Variants in PTPRN observed in about 807,000 individuals in gnomAD.
PTPRN encodes protein tyrosine phosphatase receptor type N, also known as receptor-type tyrosine-protein phosphatase-like N.
Under a neutral mutation model 108.5 loss-of-function variants are expected in PTPRN, and 70 were observed. The ratio of observed to expected loss-of-function variants is 0.65; its 90% confidence interval spans 0.53 to 0.79. PTPRN has a LOEUF of 0.79. PTPRN is among the 30% of genes least tolerant of loss of function. The pLI, the probability that PTPRN is intolerant of heterozygous loss-of-function variation, is 0.00. For synonymous variants in PTPRN, 496 were observed against 524.6 expected (o/e 0.95, Z 0.75); for missense variants, 1,136 against 1,295.5 (o/e 0.88, Z 1.89).
At chr2:219,307,341 C>T (rs1952508280) in intron 3 of PTPRN, 103 bp downstream of exon 3, 2 of 962,580 alleles carry the variant, frequency 2.1e-6, no homozygotes, top group East Asian at 4.9e-5. Context: ...AGGTGAGGCT[C>T]CAGCAGTGGG....
Position 219,290,258 on chromosome 2 carries a change from C to T in PTPRN, c.2908G>A (p.Val970Met). 1 of 1,614,024 alleles carries T rather than the reference C, an allele frequency of 6.2e-7. No homozygotes were observed. Among genetic ancestry groups the T allele is most frequent in the South Asian group, 1.1e-5 (1 of 91,080 alleles). The change falls in exon 23 of 23, where the codon GTG becomes ATG. Residue 970 changes from valine (V) to methionine (M), a missense_variant. Val to Met is a conservative substitution (Grantham distance 21). Coordinates refer to ENST00000295718, the MANE Select transcript of PTPRN (RefSeq NM_002846.4). The surrounding 1 kb of genome is among the most constrained non-coding windows in gnomAD (Gnocchi z 4.2). ...EFALTAVAEE[V>M]NAILKALPQ ...GGCAGGGCCTTGAGGATGGCATTCACTTCCTCCGCCACGGCTGTCAGGGCA... is the reference window on the plus strand; with the variant it reads ...GGCAGGGCCTTGAGGATGGCATTCATTTCCTCCGCCACGGCTGTCAGGGCA...
chr2:219,299,569 T>A, intron 10 of PTPRN, 131 bp downstream of exon 10: 1 of 1,153,292 alleles, frequency 8.7e-7, no homozygotes, highest in Non-Finnish European at 1.3e-6. Context: ...TGGCTGTACC[T>A]TCAGTACAGC....
Position 219,299,793 on chromosome 2 carries a change from A to G in PTPRN, c.1437-7T>C. ...TGCAGCCAGGCTCAGGGGCCTGGAG[A>G]TGGGAGAAGGCAGAGGAAGGAAAGT... On this transcript the variant is annotated splice_polypyrimidine_tract_variant and splice_region_variant and intron_variant, in intron 9 of 22. Transcript: ENST00000295718. 2 of 1,603,266 alleles carry G rather than the reference A, an allele frequency of 1.2e-6. No homozygotes were observed. The highest frequency in any genetic ancestry group is 1.7e-6 in the Non-Finnish European group (2 of 1,173,068).
Position 219,297,186 on chromosome 2 carries a change from C to G in PTPRN, c.2088+47G>C, listed in dbSNP as rs1952222364. The G allele has an allele frequency of 6.2e-7, 1 of 1,610,950 alleles. No homozygotes were observed. The highest frequency in any genetic ancestry group is 8.5e-7 in the Non-Finnish European group (1 of 1,177,934). On this transcript the variant is annotated intron_variant, in intron 14 of 22. Coordinates refer to ENST00000295718, the MANE Select transcript of PTPRN (RefSeq NM_002846.4). The surrounding 1 kb of genome is among the most constrained non-coding windows in gnomAD (Gnocchi z 6.0). ...CCCACACAGCCAGCCTGGCCTCTCTCACCATCCCATTCCTTCACCCACTCT... is the reference window on the plus strand; with the variant it reads ...CCCACACAGCCAGCCTGGCCTCTCTGACCATCCCATTCCTTCACCCACTCT...
In PTPRN at chr2:219,296,655, G is replaced by C. The variant is rs1034017223; in HGVS notation, c.2310+94C>G. Reference sequence around the variant, plus strand: ...ATATCAGGCCCCACCACTCCAGGGGGTTGGTGGGGTGGCAGGTGACCACGG... The same window carrying C: ...ATATCAGGCCCCACCACTCCAGGGGCTTGGTGGGGTGGCAGGTGACCACGG... On this transcript the variant is annotated intron_variant, in intron 16 of 22. Coordinates refer to ENST00000295718, the MANE Select transcript of PTPRN (RefSeq NM_002846.4). The surrounding 1 kb of genome is among the most constrained non-coding windows in gnomAD (Gnocchi z 6.0). 1 of 1,547,052 alleles carries C rather than the reference G, an allele frequency of 6.5e-7. No individual in the cohort carries two copies. The highest frequency in any genetic ancestry group is 1.4e-5 in the African/African-American group (1 of 73,368).
chr2:219,292,550 G>A (rs574034945), intron 19 of PTPRN: 18 of 152,302 alleles, frequency 1.2e-4, no homozygotes, highest in South Asian at 1.0e-3. Flanking sequence ...TGGCTGTTAC[G>A]TCAGAGGGCT....
At chr2:219,301,854 T>C (rs1952356628) in intron 6 of PTPRN, 135 bp from the exon 7 acceptor site, 13 of 1,186,516 alleles carry the variant, frequency 1.1e-5, no homozygotes, top group Non-Finnish European at 1.4e-5. Flanking sequence ...AGAGATGCCC[T>C]CCCTTTCCCA....
Position 219,296,022 on chromosome 2 carries a change from G to A in PTPRN, c.2508+204C>T. Reference sequence around the variant, plus strand: ...CACACACATGTATGTTCTGTAAACAGGACACACACATGTATATATGTGAAT... The same window carrying A: ...CACACACATGTATGTTCTGTAAACAAGACACACACATGTATATATGTGAAT... On this transcript the variant is annotated intron_variant, in intron 18 of 22. Transcript: ENST00000295718. This position sits in a 1 kb window ranked among gnomAD's most constrained non-coding sequence, Gnocchi z 6.0. 1 of 667,854 alleles carries A rather than the reference G, an allele frequency of 1.5e-6. No individual in the cohort carries two copies. Among genetic ancestry groups the A allele is most frequent in the Middle Eastern group, 4.0e-4 (1 of 2,526 alleles). The allele number at this position is 667,854 out of a possible 1,614,324, so 41.4% of individuals were successfully genotyped here.
chr2:219,299,466 C>A (rs1041714265), intron 10 of PTPRN, 82 bp from the exon 11 acceptor site: 33 of 1,468,202 alleles, frequency 2.2e-5, no homozygotes, highest in Non-Finnish European at 3.1e-5. Flanking sequence ...GCCCTCTCCC[C>A]GTTAGAGGAT....
rs1952308763 is a variant in PTPRN at position 219,300,188 on chromosome 2, G to T, written c.1233C>A (p.His411Gln). 1 of 1,612,238 alleles carries T rather than the reference G, an allele frequency of 6.2e-7. No homozygotes were observed. The highest frequency in any genetic ancestry group is 8.5e-7 in the Non-Finnish European group (1 of 1,178,840). ...CACTGGAGGTAGGGCTGGCAGTGGGGTGTCCAGGCATGGGGGATGTGCGGG... is the reference window on the plus strand; with the variant it reads ...CACTGGAGGTAGGGCTGGCAGTGGGTTGTCCAGGCATGGGGGATGTGCGGG... ...LPARTSPMPG[H>Q]PTASPTSSEV... is the part of the protein sequence containing the mutation. Residue 411 changes from histidine to glutamine, a missense_variant, in exon 9 of 23, where the codon CAC (histidine) becomes CAA (glutamine). His to Gln is a conservative substitution (Grantham distance 24, BLOSUM62 0). Coordinates refer to ENST00000295718, the MANE Select transcript of PTPRN (RefSeq NM_002846.4).
At chr2:219,299,882 A>G in intron 9 of PTPRN, 96 bp from the exon 10 acceptor site, 1 of 1,566,416 alleles carries the variant, frequency 6.4e-7, no homozygotes, top group Non-Finnish European at 8.7e-7. Flanking sequence ...CAGCCTGCCA[A>G]TTCCCTGTCC....
At chr2:219,308,503 G>A (rs960802888) in intron 1 of PTPRN, among the ~76,000 whole-genome samples, 2 of 152,234 alleles carry the variant, frequency 1.3e-5, no homozygotes, top group Non-Finnish European at 2.9e-5. Context: ...AGCCCGGGTG[G>A]GGAAAGAGGG....
intron 8 of PTPRN, 101 bp downstream of exon 8, chr2:219,300,842 G>A (rs1421034651): frequency 5.2e-6 from 7 of 1,336,572 alleles, no homozygotes; most frequent in African/African-American, 1.5e-5. Context: ...AATGAGGGGT[G>A]GGAGGATACA....
At chr2:219,301,781 G>A in intron 6 of PTPRN, 62 bp from the exon 7 acceptor site, 1 of 1,548,438 alleles carries the variant, frequency 6.5e-7, no homozygotes, top group Non-Finnish European at 8.8e-7. Context: ...GGATGCAGAT[G>A]AGTGAGTGAG....
intron 1 of PTPRN, chr2:219,308,890 C>A (rs543989401): frequency 2.2e-6 from 3 of 1,355,306 alleles, no homozygotes; most frequent in South Asian, 2.5e-5. Flanking sequence ...ACCTCCCAGG[C>A]GCCTCGGAGC....
At chr2:219,307,368 C>G in intron 3 of PTPRN, 76 bp downstream of exon 3, 1 of 1,277,752 alleles carries the variant, frequency 7.8e-7, no homozygotes, top group Non-Finnish European at 1.1e-6. Flanking sequence ...AGGAATATTC[C>G]TTGAAGAGAA....
In PTPRN at chr2:219,289,844, C is replaced by T. The variant is rs1046679079; in HGVS notation, c.*382G>A. 8.1e-4 allele frequency: 154 copies of T among 190,822 alleles called. No individual in the cohort carries two copies. Among genetic ancestry groups the T allele is most frequent in the Non-Finnish European group, 1.4e-3 (130 of 91,374 alleles). 11.8% of individuals were successfully genotyped at this position (190,822 alleles called of 1,614,324 possible). A position where few individuals can be genotyped will look rare whatever the true frequency, so the allele number is the denominator to read the frequency against. On this transcript the variant is annotated 3_prime_UTR_variant, in exon 23 of 23. Coordinates refer to ENST00000295718, the MANE Select transcript of PTPRN (RefSeq NM_002846.4). ...AGGGGGAGCCGGGTGTGGCGACCCT[C>T]CACCCCATTCTTCCATACTGGAGCA...
chr2:219,296,860 G>T lies in PTPRN; in HGVS notation c.2237-38C>A. 6.2e-7 allele frequency: 1 copy of T among 1,613,904 alleles called. No individual in the cohort carries two copies. Among genetic ancestry groups the T allele is most frequent in the Non-Finnish European group, 8.5e-7 (1 of 1,179,898 alleles). ...GACACCCCACCCCAGATGGCCCTCT[G>T]GTCATTGGCATCGCGGGACCTCTGC... On this transcript the variant is annotated intron_variant, in intron 15 of 22. Coordinates refer to ENST00000295718, the MANE Select transcript of PTPRN (RefSeq NM_002846.4). The surrounding 1 kb of genome is among the most constrained non-coding windows in gnomAD (Gnocchi z 6.0).
rs775681155 is a variant in PTPRN, at chr2:219,302,093, C to T, written c.994+44G>A. The T allele has an allele frequency of 4.7e-6, 7 of 1,502,032 alleles. No homozygotes were observed. The South Asian group carries it at 5.2e-5, about 11-fold the overall frequency. The allele number at this position is 1,502,032 out of a possible 1,614,324, so 93.0% of individuals were successfully genotyped here. Reference sequence around the variant, plus strand: ...GGGAAGGGCCCCACCATGGTTCCCCCAAAGCAGCCCTCACAGGGAGGTGGA... The same window carrying T: ...GGGAAGGGCCCCACCATGGTTCCCCTAAAGCAGCCCTCACAGGGAGGTGGA... On this transcript the variant is annotated intron_variant, in intron 6 of 22. Coordinates refer to ENST00000295718, the MANE Select transcript of PTPRN (RefSeq NM_002846.4).
Sources: gnomAD v4.1 joint callset for allele counts (sites outside exome capture counted in the v4.1 genomes callset) on GRCh38, gnomAD v4.1.1 for gene constraint, Gnocchi (gnomAD v3.1) non-coding constraint, MANE v1.5 for transcripts, NCBI Gene and HGNC (gene_info 2026-07-23, HGNC 2026-07-21) for gene names.